Variants in ATXN7L1 observed in about 807,000 individuals in gnomAD.
The protein encoded by ATXN7L1 is ataxin 7 like 1.
A neutral mutation model predicts 70.8 loss-of-function variants in ATXN7L1; 15 were observed. The observed-to-expected ratio is 0.21, with a 90% CI of 0.14 to 0.33. ATXN7L1 has a LOEUF of 0.33. Ranked by LOEUF, ATXN7L1 falls within the 10% of genes least tolerant of loss-of-function variation. The pLI is 1.00. For missense variants in ATXN7L1, 975 were observed against 1,097.1 expected (o/e 0.89, Z 1.57); for synonymous variants, 440 against 445.1 (o/e 0.99, Z 0.14).
chr7:105,819,067 C>T (rs370731555), intron 2 of ATXN7L1, among the ~76,000 whole-genome samples: 3 of 146,034 alleles, frequency 2.1e-5, no homozygotes, highest in African/African-American at 7.6e-5. Flanking sequence ...CGGTGTGTGA[C>T]GTTCCCCACC....
intron 2 of ATXN7L1, chr7:105,874,994 A>T (rs944852623): frequency 2.0e-5 from 3 of 152,354 alleles, no homozygotes; most frequent in African/African-American, 7.2e-5. Flanking sequence ...TTAGTGAATC[A>T]CAATTCAAAT....
intron 3 of ATXN7L1, among the ~76,000 whole-genome samples, chr7:105,677,394 G>A (rs1028099413): frequency 1.3e-5 from 2 of 152,224 alleles, no homozygotes; most frequent in African/African-American, 4.8e-5. Context: ...CAACAGGACA[G>A]GTGCTCGAGT....
intron 3 of ATXN7L1, among the ~76,000 whole-genome samples, chr7:105,765,163 G>A (rs1409634881): frequency 1.1e-4 from 17 of 151,880 alleles, no homozygotes; most frequent in African/African-American, 3.9e-4. Flanking sequence ...GTGAAACCCC[G>A]TCTCTACTAA....
intron 3 of ATXN7L1, among the ~76,000 whole-genome samples, chr7:105,671,079 C>G (rs1030938098): frequency 7.4e-6 from 1 of 135,552 alleles, no homozygotes; most frequent in Non-Finnish European, 1.5e-5. Flanking sequence ...TGCATTCCAG[C>G]CTGGGCGACA....
At chr7:105,834,653 CTG>C (rs1373829317) in intron 2 of ATXN7L1, among the ~76,000 whole-genome samples, 1 of 152,148 alleles carries the variant, frequency 6.6e-6, no homozygotes, top group African/African-American at 2.4e-5. Context: ...TCTGATGAGT[CTG>C]TAAGTTTCTT....
chr7:105,643,457 C>T (rs1347040133), intron 4 of ATXN7L1, among the ~76,000 whole-genome samples: 1 of 152,216 alleles, frequency 6.6e-6, no homozygotes, highest in East Asian at 1.9e-4. Context: ...GAACAAGGCG[C>T]CTGTTGTGAA....
intron 2 of ATXN7L1, among the ~76,000 whole-genome samples, chr7:105,828,828 A>G (rs1811211578): frequency 6.6e-6 from 1 of 152,210 alleles, no homozygotes; most frequent in African/African-American, 2.4e-5. Flanking sequence ...GAGGGAGATG[A>G]GAGCTGTGAG....
intron 7 of ATXN7L1, among the ~76,000 whole-genome samples, chr7:105,636,319 C>T (rs189888600): frequency 3.3e-5 from 5 of 150,306 alleles, no homozygotes; most frequent in Admixed American, 6.7e-5. Flanking sequence ...TGGTGGAACC[C>T]GGGAGGCGGA....
At chr7:105,824,421 A>G (rs1180305120) in intron 2 of ATXN7L1, among the ~76,000 whole-genome samples, 1 of 152,212 alleles carries the variant, frequency 6.6e-6, no homozygotes, top group Admixed American at 6.5e-5. Context: ...CACAATGAGT[A>G]GAAGAGAACT....
intron 3 of ATXN7L1, among the ~76,000 whole-genome samples, chr7:105,771,501 T>A (rs1012957616): frequency 6.6e-6 from 1 of 152,074 alleles, no homozygotes; most frequent in African/African-American, 2.4e-5. Flanking sequence ...GAGAGAGAGA[T>A]TATGAGCTGT....
intron 3 of ATXN7L1, among the ~76,000 whole-genome samples, chr7:105,706,354 C>T (rs1324539087): frequency 6.6e-6 from 1 of 151,966 alleles, no homozygotes; most frequent in Admixed American, 6.6e-5. Context: ...TCACCATGCC[C>T]AGCTAATTTT....
chr7:105,876,090 A>C (rs918631184), intron 1 of ATXN7L1, among the ~76,000 whole-genome samples: 16 of 152,170 alleles, frequency 1.1e-4, no homozygotes, highest in African/African-American at 3.9e-4. Flanking sequence ...AAACTATGCA[A>C]GCAGCAACAA....
At position 105,613,900 on chromosome 7, in the gene ATXN7L1, G is replaced by A; in HGVS notation, c.2434C>T (p.Pro812Ser). 1 of 1,552,134 alleles carries A rather than the reference G, an allele frequency of 6.4e-7. No homozygotes were observed. The highest frequency in any genetic ancestry group is 8.7e-7 in the Non-Finnish European group (1 of 1,147,050). ...HKKNPPSLLA[P>S]VPDPVNSTSS... Reference sequence around the variant, plus strand: ...GTGCTGTTAACGGGATCGGGCACCGGTGCGAGAAGGCTGGGCGGGTTCTTT... The same window carrying A: ...GTGCTGTTAACGGGATCGGGCACCGATGCGAGAAGGCTGGGCGGGTTCTTT... Residue 812 changes from proline (P) to serine (S), a missense_variant, in exon 10 of 12, where the codon CCG becomes TCG. Pro to Ser is a moderately conservative substitution (Grantham distance 74). Coordinates refer to ENST00000419735, the MANE Select transcript of ATXN7L1 (RefSeq NM_020725.2).
At chr7:105,800,255 G>A (rs926870334) in intron 2 of ATXN7L1, among the ~76,000 whole-genome samples, 18 of 152,236 alleles carry the variant, frequency 1.2e-4, no homozygotes, top group Admixed American at 5.9e-4. Flanking sequence ...CCTGTGATTG[G>A]GCCCCAATCC....
rs543552013 is a variant in ATXN7L1, at chr7:105,833,590, A to T, written c.250+42222T>A. 1.3e-4 allele frequency among the ~76,000 whole-genome samples: 19 copies of T among 149,156 alleles called. 1 individual carries two copies. In the South Asian group the frequency reaches 4.0e-3, roughly 32 times the overall value. On this transcript the variant is annotated intron_variant, in intron 2 of 11. Transcript: ENST00000419735. The stretch of plus-strand genomic sequence containing the variant: ...ATAATTGGTAATGTTCTATATCTTA[A>T]TAGGGATTTTGGTTTCATGAGAGTA...
chr7:105,617,474 C>A (rs868868192), intron 9 of ATXN7L1, among the ~76,000 whole-genome samples: 4 of 152,180 alleles, frequency 2.6e-5, no homozygotes, highest in Admixed American at 6.6e-5. Flanking sequence ...TTTTTAGGCA[C>A]GCTTTCTATC....
chr7:105,659,599 G>C (rs1165183067), intron 4 of ATXN7L1, among the ~76,000 whole-genome samples: 1 of 152,194 alleles, frequency 6.6e-6, no homozygotes, highest in Non-Finnish European at 1.5e-5. Context: ...CAATAAGAAT[G>C]GTAAGGATTA....
intron 11 of ATXN7L1, 92 bp from the exon 12 acceptor site, chr7:105,607,982 A>G: frequency 1.7e-6 from 2 of 1,200,386 alleles, no homozygotes; most frequent in Admixed American, 2.0e-5. Context: ...TTTCTCATCT[A>G]TAATAGAAAG....
intron 10 of ATXN7L1, chr7:105,613,338 A>G (rs1793339261): frequency 1.2e-5 from 3 of 245,060 alleles, no homozygotes; most frequent in Non-Finnish European, 2.0e-5. Flanking sequence ...GAGGCAGCCT[A>G]GGAAAGTGGG....
Sources: gnomAD v4.1 joint callset for allele counts (sites outside exome capture counted in the v4.1 genomes callset) on GRCh38, gnomAD v4.1.1 for gene constraint, MANE v1.5 for transcripts, NCBI Gene and HGNC (gene_info 2026-07-23, HGNC 2026-07-21) for gene names.